The following SGCZ variants were observed in gnomAD, a reference collection of about 807,000 sequenced individuals.
SGCZ encodes sarcoglycan zeta.
Under a neutral mutation model 41.3 loss-of-function variants are expected in SGCZ, and 40 were observed. The observed-to-expected ratio is 0.97, with a 90% CI of 0.75 to 1.26. The LOEUF is 1.26. SGCZ is among the 50% of genes most tolerant of loss of function. SGCZ has a pLI of 0.00. For missense variants in SGCZ, 552 were observed against 369.8 expected (o/e 1.49, Z -4.04); for synonymous variants, 206 against 137.5 (o/e 1.50, Z -3.49).
intron 1 of SGCZ, among the ~76,000 whole-genome samples, chr8:14,724,003 G>C (rs548145670): frequency 2.6e-5 from 4 of 152,128 alleles, no homozygotes; most frequent in African/African-American, 9.6e-5. Context: ...ATAGCCTACT[G>C]CAATGAATAT....
At chr8:15,070,179 C>G (rs1805300884) in intron 1 of SGCZ, among the ~76,000 whole-genome samples, 1 of 152,110 alleles carries the variant, frequency 6.6e-6, no homozygotes, top group Non-Finnish European at 1.5e-5. Flanking sequence ...CAGCAAGCTT[C>G]AAAGTACTCC....
intron 1 of SGCZ, among the ~76,000 whole-genome samples, chr8:14,611,996 T>A (rs1275170784): frequency 6.6e-6 from 1 of 152,254 alleles, no homozygotes; most frequent in Non-Finnish European, 1.5e-5. Flanking sequence ...GGACAAGGCA[T>A]CTATTTCTTT....
At chr8:14,976,707 A>G (rs947482087) in intron 1 of SGCZ, among the ~76,000 whole-genome samples, 7 of 152,308 alleles carry the variant, frequency 4.6e-5, no homozygotes, top group East Asian at 3.9e-4. Flanking sequence ...AAAATATGAC[A>G]AAGCAAGATG....
At chr8:14,810,732 A>C (rs1326731854) in intron 1 of SGCZ, among the ~76,000 whole-genome samples, 1 of 152,132 alleles carries the variant, frequency 6.6e-6, no homozygotes, top group South Asian at 2.1e-4. Context: ...GAAATCAGCT[A>C]TACTGATAGT....
At chr8:14,294,685 T>A (rs568568519) in intron 3 of SGCZ, among the ~76,000 whole-genome samples, 20 of 152,206 alleles carry the variant, frequency 1.3e-4, no homozygotes, top group African/African-American at 4.1e-4. Flanking sequence ...AAAGAACTTG[T>A]ATGTAGAATA....
intron 1 of SGCZ, among the ~76,000 whole-genome samples, chr8:15,195,872 A>G (rs1166962719): frequency 6.9e-6 from 1 of 145,464 alleles, no homozygotes; most frequent in African/African-American, 2.5e-5. Flanking sequence ...AATGGGTTTT[A>G]TACATCCTTA....
intron 1 of SGCZ, among the ~76,000 whole-genome samples, chr8:15,026,728 C>T (rs1272580892): frequency 6.6e-6 from 1 of 152,072 alleles, no homozygotes; most frequent in Non-Finnish European, 1.5e-5. Flanking sequence ...CATGAACAAC[C>T]CAGAATTGTG....
chr8:14,795,020 C>G (rs1437992366), intron 1 of SGCZ, among the ~76,000 whole-genome samples: 1 of 152,102 alleles, frequency 6.6e-6, no homozygotes, highest in Non-Finnish European at 1.5e-5. Flanking sequence ...GCCCTTGATT[C>G]AGATCAAATG....
intron 1 of SGCZ, among the ~76,000 whole-genome samples, chr8:15,144,878 A>G (rs958114314): frequency 5.9e-5 from 9 of 152,192 alleles, no homozygotes; most frequent in African/African-American, 1.9e-4. Context: ...ACCGTACCAC[A>G]TATTGTGGTG....
At chr8:14,417,957 T>C (rs1398439090) in intron 2 of SGCZ, among the ~76,000 whole-genome samples, 1 of 151,882 alleles carries the variant, frequency 6.6e-6, no homozygotes, top group Non-Finnish European at 1.5e-5. Context: ...ATGAATGTCA[T>C]ATTATTTGTC....
intron 1 of SGCZ, among the ~76,000 whole-genome samples, chr8:15,104,558 T>C (rs1221129272): frequency 6.6e-6 from 1 of 152,172 alleles, no homozygotes; most frequent in Non-Finnish European, 1.5e-5. Context: ...TCATCAGAAA[T>C]AGCCACGCAA....
At chr8:14,799,575 C>A (rs1020905765) in intron 1 of SGCZ, among the ~76,000 whole-genome samples, 2 of 152,230 alleles carry the variant, frequency 1.3e-5, no homozygotes, top group South Asian at 2.1e-4. Flanking sequence ...CTATCCTTAG[C>A]ATTTGACCTC....
intron 1 of SGCZ, among the ~76,000 whole-genome samples, chr8:14,588,993 C>A (rs1805153631): frequency 6.6e-6 from 1 of 152,006 alleles, no homozygotes; most frequent in Admixed American, 6.6e-5. Flanking sequence ...TGAATTTTTT[C>A]TCTTTTTGCC....
chr8:14,613,099 T>A (rs1419038911), intron 1 of SGCZ, among the ~76,000 whole-genome samples: 2 of 152,202 alleles, frequency 1.3e-5, no homozygotes, highest in Non-Finnish European at 2.9e-5. Context: ...GCACCCCACA[T>A]GCACCCTGCC....
intron 1 of SGCZ, among the ~76,000 whole-genome samples, chr8:14,599,047 A>G (rs1429805701): frequency 6.6e-6 from 1 of 152,090 alleles, no homozygotes; most frequent in African/African-American, 2.4e-5. Flanking sequence ...CTCTCCTCCA[A>G]TGATATTGTG....
intron 3 of SGCZ, chr8:14,309,710 G>T: frequency 6.2e-7 from 1 of 1,608,646 alleles, no homozygotes; most frequent in East Asian, 2.2e-5. Flanking sequence ...AGGAGACTGA[G>T]TTAAGCAATC....
At chr8:14,792,637 T>C (rs1055548548) in intron 1 of SGCZ, among the ~76,000 whole-genome samples, 18 of 152,156 alleles carry the variant, frequency 1.2e-4, no homozygotes, top group African/African-American at 4.3e-4. Flanking sequence ...TGCATATGTA[T>C]ACATATGCCA....
chr8:14,098,569 T>A (rs1801914998), intron 7 of SGCZ, among the ~76,000 whole-genome samples: 1 of 152,172 alleles, frequency 6.6e-6, no homozygotes, highest in African/African-American at 2.4e-5. Context: ...AAAGGCATCC[T>A]CAAGCTCTGA....
rs79352029 is a variant in SGCZ at position 15,048,791 on chromosome 8, G to A, written c.39+188794C>T. 2.5e-3 allele frequency among the ~76,000 whole-genome samples: 385 copies of A among 152,094 alleles called. 1 individual carries two copies. The highest frequency in any genetic ancestry group is 9.0e-3 in the African/African-American group (373 of 41,508). ...TTATATATAGACATATTTATCATTT[G>A]TAAACTGTGTGAAGTTGTTTTTTTA... is the stretch of plus-strand genomic sequence containing the variant. On this transcript the variant is annotated intron_variant, in intron 1 of 7. Coordinates refer to ENST00000382080, the MANE Select transcript of SGCZ (RefSeq NM_139167.4).
Sources: gnomAD v4.1 joint callset for allele counts (sites outside exome capture counted in the v4.1 genomes callset) on GRCh38, gnomAD v4.1.1 for gene constraint, MANE v1.5 for transcripts, NCBI Gene and HGNC (gene_info 2026-07-23, HGNC 2026-07-21) for gene names.